RC3H2: variants seen among roughly 807,000 people sequenced by gnomAD.
The protein encoded by RC3H2 is roquin-2.
In RC3H2, 31 loss-of-function variants were observed where a neutral mutation model predicts 133.3. The ratio of observed to expected loss-of-function variants is 0.23; its 90% CI spans 0.17 to 0.31. The LOEUF is 0.31. Ranked by LOEUF, RC3H2 falls within the 10% of genes least tolerant of loss-of-function variation. The pLI is 1.00. For missense variants in RC3H2, 1,175 were observed against 1,437.2 expected (o/e 0.82, Z 2.95); for synonymous variants, 517 against 502.2 (o/e 1.03, Z -0.40).
chr9:122,893,393 C>T (rs1832270291), intron 2 of RC3H2, among the ~76,000 whole-genome samples: 1 of 152,162 alleles, frequency 6.6e-6, no homozygotes, highest in Non-Finnish European at 1.5e-5. Context: ...ACTCAGGAGG[C>T]TGAGGCAGGA....
intron 2 of RC3H2, among the ~76,000 whole-genome samples, 181 bp downstream of exon 2, chr9:122,897,098 C>A (rs1424672255): frequency 7.5e-6 from 1 of 133,438 alleles, no homozygotes; most frequent in Admixed American, 7.4e-5. Flanking sequence ...GAGCTAAAAA[C>A]ATAAACATAA....
chr9:122,850,785 T>C (rs111889837), intron 20 of RC3H2, among the ~76,000 whole-genome samples: 13 of 152,288 alleles, frequency 8.5e-5, no homozygotes, highest in African/African-American at 3.1e-4. Context: ...ACCATTAATC[T>C]AGGTTGTCAT....
intron 12 of RC3H2, 90 bp downstream of exon 12, chr9:122,858,579 G>C: frequency 9.5e-7 from 1 of 1,050,778 alleles, no homozygotes; most frequent in Non-Finnish European, 1.4e-6. Context: ...CACACAATTA[G>C]TAAGTGGAGG....
At chr9:122,861,219 G>A (rs573296516) in intron 10 of RC3H2, among the ~76,000 whole-genome samples, 79 of 152,114 alleles carry the variant, frequency 5.2e-4, no homozygotes, top group African/African-American at 1.7e-3. Context: ...GGCCGGGCAC[G>A]GTGGCTCACA....
chr9:122,869,048 C>G (rs1830930922), intron 9 of RC3H2, among the ~76,000 whole-genome samples: 1 of 151,594 alleles, frequency 6.6e-6, no homozygotes, highest in Non-Finnish European at 1.5e-5. Flanking sequence ...ATTACAGGCA[C>G]GTGCCTGCCA....
intron 2 of RC3H2, among the ~76,000 whole-genome samples, chr9:122,896,364 C>CA (rs763866314): frequency 2.0e-4 from 30 of 151,966 alleles, no homozygotes; most frequent in African/African-American, 7.0e-4. Flanking sequence ...ACAACAACAA[C>CA]AAAAAAACCT....
chr9:122,847,145 A>G lies in RC3H2; in HGVS notation c.*2482T>C, dbSNP rs527624272. 6.6e-6 allele frequency: 1 copy of G among 152,286 alleles called. No homozygotes were observed. The highest frequency in any genetic ancestry group is 1.9e-4 in the East Asian group (1 of 5,188). 9.4% of individuals were successfully genotyped at this position (152,286 alleles called of 1,614,324 possible). A position where few individuals can be genotyped will look rare whatever the true frequency, so the allele number is the denominator to read the frequency against. The stretch of plus-strand genomic sequence containing the variant: ...CAATAAGGTTGGCAGGTATATACAT[A>G]TACTGATGCAAATGTAATTTCACTG... On this transcript the variant is annotated 3_prime_UTR_variant, in exon 21 of 21. Transcript: ENST00000357244.
intron 9 of RC3H2, among the ~76,000 whole-genome samples, chr9:122,869,445 T>A (rs1396208663): frequency 6.6e-6 from 1 of 152,022 alleles, no homozygotes; most frequent in East Asian, 1.9e-4. Flanking sequence ...CTCTTTAACA[T>A]GTACACATTG....
intron 9 of RC3H2, among the ~76,000 whole-genome samples, chr9:122,868,198 G>A (rs1588074417): frequency 2.0e-5 from 3 of 152,232 alleles, no homozygotes; most frequent in Admixed American, 6.5e-5. Context: ...CTACTGGGAA[G>A]TGAGGAGCCC....
chr9:122,870,406 AAACAAAC>A (rs146625117), intron 9 of RC3H2, among the ~76,000 whole-genome samples: 47,171 of 136,192 alleles, frequency 0.35, 8,475 homozygotes, highest in East Asian at 0.61. Context: ...ACAAACAAAC[AAACAAAC>A]AAAAAAAAAA....
rs368498527 is a variant in RC3H2 at position 122,866,210 on chromosome 9, AG to A, written c.1326-554del. Among the ~76,000 whole-genome samples the A allele has an allele frequency of 2.3e-3, 343 of 152,382 alleles. 1 individual carries two copies. Among genetic ancestry groups the A allele is most frequent in the African/African-American group, 7.8e-3 (325 of 41,594 alleles). On this transcript the variant is annotated intron_variant, in intron 9 of 20. Transcript: ENST00000357244. ...AATTCTGTATTATAGTTCTCAGAAT[AG>A]TTTATACCTAAAGTTAAAAACATTT...
intron 4 of RC3H2, among the ~76,000 whole-genome samples, chr9:122,884,766 T>C (rs1831825420): frequency 1.3e-5 from 2 of 149,702 alleles, no homozygotes. Flanking sequence ...GGCAGGAGAA[T>C]CCCTTGAACC....
At chr9:122,880,318 T>G (rs761102363) in intron 6 of RC3H2, 193 bp from the exon 7 acceptor site, 1 of 827,350 alleles carries the variant, frequency 1.2e-6, no homozygotes, top group Non-Finnish European at 2.1e-6. Context: ...CTTAGAAAAC[T>G]TATAAGCTGT....
chr9:122,903,899 T>C (rs1832746624), intron 1 of RC3H2, among the ~76,000 whole-genome samples: 1 of 152,190 alleles, frequency 6.6e-6, no homozygotes, highest in African/African-American at 2.4e-5. Context: ...GCTAAAAGGT[T>C]TTTTAAAAAG....
intron 13 of RC3H2, among the ~76,000 whole-genome samples, chr9:122,856,291 G>A (rs1046420598): frequency 4.6e-5 from 7 of 152,212 alleles, no homozygotes; most frequent in Middle Eastern, 3.4e-3. Context: ...CACTCCCACC[G>A]CCCAGGCTAA....
chr9:122,864,552 T>C (rs1160171293), intron 10 of RC3H2, among the ~76,000 whole-genome samples: 1 of 151,858 alleles, frequency 6.6e-6, no homozygotes, highest in African/African-American at 2.4e-5. Flanking sequence ...GTAACTGGCC[T>C]AAGATCAAAC....
chr9:122,853,431 G>A (rs1433073834), intron 18 of RC3H2, among the ~76,000 whole-genome samples: 1 of 151,692 alleles, frequency 6.6e-6, no homozygotes, highest in Non-Finnish European at 1.5e-5. Context: ...TGGAACCTGG[G>A]GTTTCCCTTT....
intron 4 of RC3H2, among the ~76,000 whole-genome samples, chr9:122,885,178 ATACTT>A (rs771121077): frequency 1.2e-4 from 19 of 152,230 alleles, no homozygotes; most frequent in Non-Finnish European, 2.2e-4. Flanking sequence ...GGAAAACTAA[ATACTT>A]TAGTTTTAAA....
chr9:122,901,994 A>G (rs1051582018), intron 1 of RC3H2, among the ~76,000 whole-genome samples: 1 of 141,824 alleles, frequency 7.1e-6, no homozygotes, highest in African/African-American at 2.7e-5. Context: ...CAATGGCGCG[A>G]TCTCGGCTCA....
Sources: gnomAD v4.1 joint callset for allele counts (sites outside exome capture counted in the v4.1 genomes callset) on GRCh38, gnomAD v4.1.1 for gene constraint, MANE v1.5 for transcripts, NCBI Gene and HGNC (gene_info 2026-07-23, HGNC 2026-07-21) for gene names.